GRIK1: variants seen among roughly 807,000 people sequenced by gnomAD.
The protein encoded by GRIK1 is glutamate ionotropic receptor kainate type subunit 1.
In GRIK1, 69 loss-of-function variants were observed where a neutral mutation model predicts 105.7. The observed-to-expected ratio is 0.65, with a 90% confidence interval of 0.54 to 0.80. The LOEUF (loss-of-function observed/expected upper bound fraction) is 0.80, where lower values mean the gene tolerates loss of function less well. Among genes scored for constraint, GRIK1 ranks in the 30% least tolerant of loss-of-function variants. The pLI, the probability that GRIK1 is intolerant of heterozygous loss-of-function variation, is 0.00. For missense variants in GRIK1, 1,109 were observed against 1,167.3 expected, an observed-to-expected ratio of 0.95 and a Z score of 0.73; for synonymous variants, 438 against 431.3, an observed-to-expected ratio of 1.02 and a Z score of -0.19.
At chr21:29,797,293 A>G (rs966346564) in intron 1 of GRIK1, among the ~76,000 whole-genome samples, 1 of 152,228 alleles carries the variant, frequency 6.6e-6, no homozygotes, top group African/African-American at 2.4e-5. Flanking sequence ...AGAAAGCATC[A>G]GTGGCCAGAG....
At chr21:29,713,937 C>T (rs997192273) in intron 1 of GRIK1, among the ~76,000 whole-genome samples, 2 of 152,042 alleles carry the variant, frequency 1.3e-5, no homozygotes, top group South Asian at 2.1e-4. Flanking sequence ...TAAGCCTGAA[C>T]TGTCTTGTCT....
rs138691447 is a variant in GRIK1 at position 29,915,183 on chromosome 21, G to GAAAC, written c.118+24199_118+24200insGTTT. Among the ~76,000 whole-genome samples the GAAAC allele has an allele frequency of 7.0e-5, 9 of 127,890 alleles. No homozygotes were observed. The East Asian group carries it at 1.2e-3, about 17-fold the overall frequency. 83.9% of individuals were successfully genotyped at this position (127,890 alleles called of 152,430 possible). A position where few individuals can be genotyped will look rare whatever the true frequency, so the allele number is the denominator to read the frequency against. On this transcript the variant is annotated intron_variant, in intron 1 of 17. Transcript: ENST00000327783. ...TTTCCACGCTATATACATGAATCCA[G>GAAAC]ACACACACACACACACACACAAACA... is the stretch of plus-strand genomic sequence containing the variant.
chr21:29,597,103 T>C (rs2061429760), intron 8 of GRIK1, among the ~76,000 whole-genome samples: 1 of 152,200 alleles, frequency 6.6e-6, no homozygotes, highest in South Asian at 2.1e-4. Context: ...TTTTCCCTAT[T>C]GACTCCAAGA....
chr21:29,812,626 C>A (rs1056372179), intron 1 of GRIK1, among the ~76,000 whole-genome samples: 1 of 152,062 alleles, frequency 6.6e-6, no homozygotes, highest in African/African-American at 2.4e-5. Flanking sequence ...CTTTAATTAC[C>A]TTTGGATTCT....
chr21:29,826,185 T>C (rs950183356), intron 1 of GRIK1, among the ~76,000 whole-genome samples: 2 of 152,082 alleles, frequency 1.3e-5, no homozygotes, highest in African/African-American at 4.8e-5. Flanking sequence ...TAGCAGGAAG[T>C]CCATTTGATC....
In GRIK1 at chr21:29,939,508, G is replaced by T; in HGVS notation, c.-8C>A. 4.5e-6 allele frequency: 7 copies of T among 1,539,366 alleles called. No homozygotes were observed. The highest frequency in any genetic ancestry group is 6.2e-6 in the Non-Finnish European group (7 of 1,135,996). Reference sequence around the variant, plus strand: ...GAGTGTGCCGTGCTCCATCTTCCTAGCTTCTTAATTCATGCCGAGATACAG... The same window carrying T: ...GAGTGTGCCGTGCTCCATCTTCCTATCTTCTTAATTCATGCCGAGATACAG... On this transcript the variant is annotated 5_prime_UTR_variant, in exon 1 of 18. Transcript: ENST00000327783.
intron 9 of GRIK1, among the ~76,000 whole-genome samples, chr21:29,593,304 C>T (rs560073899): frequency 1.3e-5 from 2 of 152,110 alleles, no homozygotes; most frequent in Middle Eastern, 3.4e-3. Context: ...AACCATCCAA[C>T]GTTTCCAGGA....
At chr21:29,543,846 T>A (rs2090009329) in intron 16 of GRIK1, among the ~76,000 whole-genome samples, 1 of 152,204 alleles carries the variant, frequency 6.6e-6, no homozygotes, top group South Asian at 2.1e-4. Flanking sequence ...CTTGCAACTT[T>A]AAAGCTTTAA....
chr21:29,703,876 A>G (rs989056307), intron 1 of GRIK1, among the ~76,000 whole-genome samples: 3 of 152,200 alleles, frequency 2.0e-5, no homozygotes, highest in Non-Finnish European at 4.4e-5. Flanking sequence ...TGAGACAATA[A>G]CCACATCCAG....
intron 1 of GRIK1, among the ~76,000 whole-genome samples, chr21:29,935,503 G>A (rs1276586477): frequency 6.6e-6 from 1 of 152,174 alleles, no homozygotes; most frequent in Non-Finnish European, 1.5e-5. Context: ...ACACACTTAT[G>A]TAAAAATATG....
chr21:29,581,924 T>C (rs1357836273), intron 12 of GRIK1, among the ~76,000 whole-genome samples: 1 of 152,172 alleles, frequency 6.6e-6, no homozygotes, highest in Non-Finnish European at 1.5e-5. Flanking sequence ...ACACACTTGT[T>C]GCATAGTAAC....
intron 1 of GRIK1, among the ~76,000 whole-genome samples, chr21:29,806,420 G>A (rs964445481): frequency 2.0e-5 from 3 of 151,600 alleles, no homozygotes; most frequent in Non-Finnish European, 4.4e-5. Flanking sequence ...ATTCCTCTGC[G>A]ATTACGGAAA....
At chr21:29,815,199 A>T (rs2067123327) in intron 1 of GRIK1, among the ~76,000 whole-genome samples, 1 of 152,086 alleles carries the variant, frequency 6.6e-6, no homozygotes, top group Non-Finnish European at 1.5e-5. Flanking sequence ...ATTATTTTGT[A>T]TTTCCACTGG....
intron 1 of GRIK1, among the ~76,000 whole-genome samples, chr21:29,786,812 C>G (rs2066272452): frequency 6.6e-6 from 1 of 152,172 alleles, no homozygotes; most frequent in Non-Finnish European, 1.5e-5. Context: ...TGAGATTTCT[C>G]AGTTCTAAGA....
intron 1 of GRIK1, among the ~76,000 whole-genome samples, chr21:29,741,191 T>C (rs1309465970): frequency 6.6e-6 from 1 of 152,160 alleles, no homozygotes; most frequent in African/African-American, 2.4e-5. Context: ...TTTTAAAACT[T>C]TGCTCTGCAC....
intron 1 of GRIK1, among the ~76,000 whole-genome samples, chr21:29,773,922 C>T (rs537031980): frequency 6.6e-6 from 1 of 152,232 alleles, no homozygotes; most frequent in South Asian, 2.1e-4. Context: ...CCATCCCTTT[C>T]CCGTCTGAAA....
chr21:29,576,931 A>G (rs781233339), intron 14 of GRIK1, 33 bp downstream of exon 14: 3 of 1,162,984 alleles, frequency 2.6e-6, no homozygotes, highest in Non-Finnish European at 3.9e-6. Flanking sequence ...CAAGTATCAG[A>G]TAATCACTGA....
intron 1 of GRIK1, among the ~76,000 whole-genome samples, chr21:29,935,135 C>A (rs969168537): frequency 5.9e-5 from 9 of 152,198 alleles, no homozygotes; most frequent in Non-Finnish European, 1.3e-4. Context: ...GCACCACTCT[C>A]CACACTCTAT....
At chr21:29,756,453 C>A (rs1053059959) in intron 1 of GRIK1, among the ~76,000 whole-genome samples, 1 of 152,096 alleles carries the variant, frequency 6.6e-6, no homozygotes, top group Non-Finnish European at 1.5e-5. Flanking sequence ...GTAATTGCTG[C>A]GTGTGTGAGT....
Sources: gnomAD v4.1 joint callset for allele counts (sites outside exome capture counted in the v4.1 genomes callset) on GRCh38, gnomAD v4.1.1 for gene constraint, MANE v1.5 for transcripts, NCBI Gene and HGNC (gene_info 2026-07-23, HGNC 2026-07-21) for gene names.